Variants in AGTPBP1 observed in about 807,000 individuals in gnomAD.
AGTPBP1 encodes cytosolic carboxypeptidase 1.
In AGTPBP1, 70 loss-of-function variants were observed where a neutral mutation model predicts 143.9. The observed-to-expected ratio is 0.49, with a 90% CI of 0.40 to 0.59. The LOEUF (loss-of-function observed/expected upper bound fraction) is 0.59, where lower values mean the gene tolerates loss of function less well. Among genes scored for constraint, AGTPBP1 ranks in the 20% least tolerant of loss-of-function variants. AGTPBP1 has a pLI of 0.00. For missense variants in AGTPBP1, 1,229 were observed against 1,464.5 expected (o/e 0.84, Z 2.62); for synonymous variants, 463 against 500.2 (o/e 0.93, Z 0.99).
Position 85,613,964 on chromosome 9 carries a change from A to AAC in AGTPBP1, c.2335+5017_2335+5018dup, listed in dbSNP as rs1276927098. Among the ~76,000 whole-genome samples the AAC allele has an allele frequency of 2.0e-5, 3 of 152,056 alleles. No individual in the cohort carries two copies. The East Asian group carries it at 5.8e-4, about 29-fold the overall frequency. ...AACATGAATATTATTAACATAATAT[A>AAC]ACACATCCAAAGGTTATAGACTATA... is the stretch of plus-strand genomic sequence containing the variant. On this transcript the variant is annotated intron_variant, in intron 17 of 25. Transcript: ENST00000357081.
At chr9:85,763,840 C>T in the AGTPBP1 span, among the ~76,000 whole-genome samples, 1 of 151,944 alleles carries the variant, frequency 6.6e-6, no homozygotes, top group East Asian at 1.9e-4. Flanking sequence ...AATTATAAAC[C>T]TTATGATAGT....
At chr9:85,609,690 A>C (rs548880939) in intron 17 of AGTPBP1, among the ~76,000 whole-genome samples, 2 of 152,278 alleles carry the variant, frequency 1.3e-5, no homozygotes, top group African/African-American at 4.8e-5. Context: ...TTGTGCCAAA[A>C]AGCAAGGGCA....
At chr9:85,732,275 C>T (rs970471671) in intron 1 of AGTPBP1, among the ~76,000 whole-genome samples, 1 of 137,822 alleles carries the variant, frequency 7.3e-6, no homozygotes, top group Non-Finnish European at 1.5e-5. Flanking sequence ...AGTGCAGCGG[C>T]GTGATTTCAG....
chr9:85,769,952 C>G, the AGTPBP1 span, among the ~76,000 whole-genome samples: 1 of 152,044 alleles, frequency 6.6e-6, no homozygotes, highest in African/African-American at 2.4e-5. Flanking sequence ...ATTAGATGAT[C>G]AGCATTTGTT....
At chr9:85,694,032 C>A (rs1836066749) in intron 2 of AGTPBP1, among the ~76,000 whole-genome samples, 1 of 151,922 alleles carries the variant, frequency 6.6e-6, no homozygotes, top group Non-Finnish European at 1.5e-5. Context: ...CAGTGAGGAA[C>A]AAGGTCAGAG....
At chr9:85,571,152 C>T (rs965996324) in intron 25 of AGTPBP1, among the ~76,000 whole-genome samples, 1 of 152,278 alleles carries the variant, frequency 6.6e-6, no homozygotes, top group African/African-American at 2.4e-5. Flanking sequence ...TTCTATAGCT[C>T]TGTCTACCAA....
intron 11 of AGTPBP1, among the ~76,000 whole-genome samples, chr9:85,648,597 G>A (rs1028512691): frequency 1.1e-4 from 16 of 152,176 alleles, no homozygotes; most frequent in African/African-American, 3.9e-4. Flanking sequence ...CGGATCACGA[G>A]GTCAGGAGAT....
the AGTPBP1 span, among the ~76,000 whole-genome samples, chr9:85,763,201 C>T: frequency 6.6e-6 from 1 of 151,948 alleles, no homozygotes; most frequent in Non-Finnish European, 1.5e-5. Flanking sequence ...AAAACCCTCA[C>T]ATCAAGCCTG....
intron 17 of AGTPBP1, among the ~76,000 whole-genome samples, chr9:85,611,129 C>A (rs1830287035): frequency 1.4e-5 from 2 of 143,368 alleles, no homozygotes; most frequent in Non-Finnish European, 3.0e-5. Context: ...GCCTCGTGAT[C>A]TGTATCTTGT....
At chr9:85,795,982 C>A in the AGTPBP1 span, among the ~76,000 whole-genome samples, 1 of 146,368 alleles carries the variant, frequency 6.8e-6, no homozygotes, top group Admixed American at 7.0e-5. Flanking sequence ...AGAGTGGAGG[C>A]TTGAATTAAA....
At chr9:85,685,486 A>T (rs1469145397) in intron 3 of AGTPBP1, among the ~76,000 whole-genome samples, 1 of 152,090 alleles carries the variant, frequency 6.6e-6, no homozygotes, top group African/African-American at 2.4e-5. Context: ...ACACTTTAAA[A>T]ATGCTAAAAG....
At chr9:85,664,650 C>A (rs1381644599) in intron 8 of AGTPBP1, among the ~76,000 whole-genome samples, 2 of 152,028 alleles carry the variant, frequency 1.3e-5, no homozygotes, top group Non-Finnish European at 2.9e-5. Flanking sequence ...ACTAAGTAAA[C>A]CCCTCTTCCT....
intron 25 of AGTPBP1, among the ~76,000 whole-genome samples, chr9:85,552,476 C>T (rs890176133): frequency 7.9e-5 from 12 of 152,170 alleles, no homozygotes; most frequent in African/African-American, 2.9e-4. Flanking sequence ...CTACAACAGG[C>T]ATGATGAAAG....
chr9:85,679,635 C>G (rs1357896270), intron 4 of AGTPBP1, among the ~76,000 whole-genome samples: 2 of 152,190 alleles, frequency 1.3e-5, no homozygotes, highest in African/African-American at 4.8e-5. Context: ...GTCTCAATCT[C>G]CTGACCTCGT....
chr9:85,561,492 T>G (rs1301764753), intron 25 of AGTPBP1, among the ~76,000 whole-genome samples: 1 of 151,984 alleles, frequency 6.6e-6, no homozygotes, highest in Non-Finnish European at 1.5e-5. Flanking sequence ...AATCCATATC[T>G]TTGATGTGCT....
At chr9:85,723,421 A>G (rs1196690037) in intron 1 of AGTPBP1, among the ~76,000 whole-genome samples, 1 of 152,098 alleles carries the variant, frequency 6.6e-6, no homozygotes, top group Admixed American at 6.5e-5. Flanking sequence ...CTCCCCCACC[A>G]AGCTGCAGCA....
chr9:85,549,629 T>C (rs892142500), intron 25 of AGTPBP1, among the ~76,000 whole-genome samples: 1 of 152,144 alleles, frequency 6.6e-6, no homozygotes, highest in Non-Finnish European at 1.5e-5. Flanking sequence ...ATGAGAGAAG[T>C]ATGATTTAGG....
Position 85,677,591 on chromosome 9 carries a change from T to TA in AGTPBP1, c.290-10dup, listed in dbSNP as rs78796290. ...CACTCTTCGACCTCCACCTAAAAAT[T>TA]AAAAAAAAAAAAAATTTAAACAACA... On this transcript the variant is annotated splice_polypyrimidine_tract_variant and intron_variant, in intron 5 of 25. Coordinates refer to ENST00000357081, the MANE Select transcript of AGTPBP1 (RefSeq NM_001330701.2). The TA allele has an allele frequency of 0.058, 61,943 of 1,062,060 alleles. 7 individuals carry two copies. The highest frequency in any genetic ancestry group is 0.067 in the South Asian group (3,608 of 53,482). The allele number at this position is 1,062,060 out of a possible 1,614,324, so 65.8% of individuals were successfully genotyped here. A position where few individuals can be genotyped will look rare whatever the true frequency, so the allele number is the denominator to read the frequency against.
intron 25 of AGTPBP1, among the ~76,000 whole-genome samples, chr9:85,564,137 C>T (rs925120494): frequency 5.9e-5 from 9 of 152,228 alleles, no homozygotes; most frequent in African/African-American, 2.2e-4. Context: ...GCAGGACTGC[C>T]TGGAGGCTTA....
Sources: gnomAD v4.1 joint callset for allele counts (sites outside exome capture counted in the v4.1 genomes callset) on GRCh38, gnomAD v4.1.1 for gene constraint, MANE v1.5 for transcripts, NCBI Gene and HGNC (gene_info 2026-07-23, HGNC 2026-07-21) for gene names.